The following PHLPP1 variants were observed in gnomAD, a reference collection of about 807,000 sequenced individuals.
PHLPP1 encodes the protein PH domain and leucine rich repeat protein phosphatase 1.
In PHLPP1, 42 loss-of-function variants were observed where a neutral mutation model predicts 117.2. The ratio of observed to expected loss-of-function variants is 0.36; its 90% CI spans 0.28 to 0.46. The LOEUF (loss-of-function observed/expected upper bound fraction) is 0.46, where lower values mean the gene tolerates loss of function less well. Ranked by LOEUF, PHLPP1 falls within the 20% of genes least tolerant of loss-of-function variation. The pLI is 1.00. For missense variants in PHLPP1, 2,084 were observed against 2,241.9 expected, an observed-to-expected ratio of 0.93 and a Z score of 1.42; for synonymous variants, 1,042 against 970.7, an observed-to-expected ratio of 1.07 and a Z score of -1.37.
chr18:62,766,076 A>AATATATATATATATATATATAT (rs60058262), intron 1 of PHLPP1, among the ~76,000 whole-genome samples: 37 of 21,614 alleles, frequency 1.7e-3, no homozygotes, highest in Admixed American at 2.4e-3. Flanking sequence ...AAAAAAAAAA[A>AATATATATATATATATATATAT]ATATATATAT....
At chr18:62,930,930 C>T (rs1909787800) in intron 10 of PHLPP1, among the ~76,000 whole-genome samples, 2 of 152,128 alleles carry the variant, frequency 1.3e-5, no homozygotes. Flanking sequence ...TGGCTCATGC[C>T]TGTAATCACA....
intron 13 of PHLPP1, among the ~76,000 whole-genome samples, chr18:62,959,648 T>C (rs1910709530): frequency 6.6e-6 from 1 of 152,216 alleles, no homozygotes; most frequent in Non-Finnish European, 1.5e-5. Flanking sequence ...GTTTATTCAA[T>C]GTTGGAATAT....
At chr18:62,884,102 CTG>C (rs1916228916) in intron 4 of PHLPP1, among the ~76,000 whole-genome samples, 1 of 152,182 alleles carries the variant, frequency 6.6e-6, no homozygotes, top group African/African-American at 2.4e-5. Context: ...CATTTGTACT[CTG>C]TGTATTATGC....
At chr18:62,888,559 G>A (rs1916341967) in intron 4 of PHLPP1, among the ~76,000 whole-genome samples, 2 of 152,092 alleles carry the variant, frequency 1.3e-5, no homozygotes, top group African/African-American at 2.4e-5. Context: ...AACTTAGCTG[G>A]ACGTGGTGAT....
chr18:62,789,595 T>C (rs1407497877), intron 1 of PHLPP1, among the ~76,000 whole-genome samples: 3 of 152,172 alleles, frequency 2.0e-5, no homozygotes, highest in Admixed American at 6.5e-5. Flanking sequence ...TCTTCATCAG[T>C]GTCTTCTCAC....
chr18:62,741,313 A>T (rs1285306844), intron 1 of PHLPP1, among the ~76,000 whole-genome samples: 1 of 152,198 alleles, frequency 6.6e-6, no homozygotes, highest in Non-Finnish European at 1.5e-5. Flanking sequence ...TTGTGTTCAA[A>T]AGTCACTGAT....
At chr18:62,935,426 T>C (rs761060463) in intron 10 of PHLPP1, among the ~76,000 whole-genome samples, 2 of 152,216 alleles carry the variant, frequency 1.3e-5, no homozygotes, top group Non-Finnish European at 2.9e-5. Flanking sequence ...CTTAATATTA[T>C]TAAGATATCA....
chr18:62,871,176 A>C (rs1250257965), intron 4 of PHLPP1, among the ~76,000 whole-genome samples: 1 of 152,110 alleles, frequency 6.6e-6, no homozygotes, highest in Non-Finnish European at 1.5e-5. Flanking sequence ...TGCTGATTTA[A>C]ATTTAAGGAA....
In PHLPP1 at chr18:62,928,836, C is replaced by A. The variant is rs554302068; in HGVS notation, c.2960+8722C>A. Reference sequence around the variant, plus strand: ...CACCAGTAAAAGGTACTAGTATATGCAGCAACATGGATAAACCCTGAAAGC... The same window carrying A: ...CACCAGTAAAAGGTACTAGTATATGAAGCAACATGGATAAACCCTGAAAGC... On this transcript the variant is annotated intron_variant, in intron 10 of 16. Transcript: ENST00000262719. Among the ~76,000 whole-genome samples the A allele has an allele frequency of 6.6e-5, 10 of 152,296 alleles. No individual in the cohort carries two copies. The South Asian group carries it at 1.4e-3, about 22-fold the overall frequency.
intron 1 of PHLPP1, among the ~76,000 whole-genome samples, chr18:62,744,408 C>A (rs1352613409): frequency 6.6e-6 from 1 of 152,214 alleles, no homozygotes; most frequent in Non-Finnish European, 1.5e-5. Context: ...GGTATTTGAG[C>A]TGTTTCACTG....
At chr18:62,744,206 G>A (rs1467164616) in intron 1 of PHLPP1, among the ~76,000 whole-genome samples, 1 of 152,220 alleles carries the variant, frequency 6.6e-6, no homozygotes, top group Non-Finnish European at 1.5e-5. Flanking sequence ...CAATGCCTCT[G>A]GTGAGTGGTG....
intron 1 of PHLPP1, among the ~76,000 whole-genome samples, chr18:62,768,182 T>C (rs1599036635): frequency 6.6e-6 from 1 of 152,180 alleles, no homozygotes; most frequent in East Asian, 1.9e-4. Flanking sequence ...TGCAATGTAG[T>C]AGTCAAAGAG....
intron 4 of PHLPP1, among the ~76,000 whole-genome samples, chr18:62,875,627 A>G (rs1225612564): frequency 6.6e-6 from 1 of 152,128 alleles, no homozygotes; most frequent in Admixed American, 6.6e-5. Flanking sequence ...TCTTGAGTGA[A>G]TGGTGGGGGA....
chr18:62,767,755 G>A (rs1163355849), intron 1 of PHLPP1, among the ~76,000 whole-genome samples: 1 of 152,182 alleles, frequency 6.6e-6, no homozygotes, highest in African/African-American at 2.4e-5. Flanking sequence ...GAGGCATGGG[G>A]GAGAATATAG....
At chr18:62,822,084 C>T (rs1221492113) in intron 1 of PHLPP1, among the ~76,000 whole-genome samples, 3 of 151,982 alleles carry the variant, frequency 2.0e-5, no homozygotes, top group African/African-American at 7.3e-5. Flanking sequence ...TGGACCAGGA[C>T]CCTGTTTCTT....
At chr18:62,763,587 A>G (rs181014760) in intron 1 of PHLPP1, among the ~76,000 whole-genome samples, 2 of 152,054 alleles carry the variant, frequency 1.3e-5, no homozygotes, top group South Asian at 2.1e-4. Context: ...CACAGCTACT[A>G]TTTCTGTCTG....
intron 1 of PHLPP1, among the ~76,000 whole-genome samples, chr18:62,819,801 A>G (rs1005615779): frequency 1.3e-5 from 2 of 152,078 alleles, no homozygotes; most frequent in African/African-American, 4.8e-5. Flanking sequence ...GCCTGCCACC[A>G]CACCTAGCAA....
chr18:62,770,306 C>A (rs1308039573), intron 1 of PHLPP1, among the ~76,000 whole-genome samples: 1 of 152,136 alleles, frequency 6.6e-6, no homozygotes, highest in Admixed American at 6.5e-5. Context: ...TATGGGGTTT[C>A]ACCTTGTTGG....
intron 1 of PHLPP1, among the ~76,000 whole-genome samples, chr18:62,747,198 G>A (rs1911701316): frequency 1.4e-5 from 2 of 146,972 alleles, no homozygotes; most frequent in African/African-American, 5.0e-5. Flanking sequence ...CCATCAATTA[G>A]TTTTGTTAGG....
Sources: gnomAD v4.1 joint callset for allele counts (sites outside exome capture counted in the v4.1 genomes callset) on GRCh38, gnomAD v4.1.1 for gene constraint, MANE v1.5 for transcripts, NCBI Gene and HGNC (gene_info 2026-07-23, HGNC 2026-07-21) for gene names.